PAPLN: variants seen among roughly 807,000 people sequenced by gnomAD.
PAPLN encodes the protein papilin, proteoglycan like sulfated glycoprotein, also known as papilin.
A neutral mutation model predicts 159.0 loss-of-function variants in PAPLN; 146 were observed. The ratio of observed to expected loss-of-function variants is 0.92; its 90% CI spans 0.80 to 1.05. PAPLN has a LOEUF of 1.05. Among genes scored for constraint, PAPLN ranks in the 50% least tolerant of loss-of-function variants. The pLI, the probability that PAPLN is intolerant of heterozygous loss-of-function variation, is 0.00. For missense variants in PAPLN, 1,720 were observed against 1,743.9 expected (o/e 0.99, Z 0.24); for synonymous variants, 734 against 702.9 (o/e 1.04, Z -0.70).
chr14:73,270,865 C>T (rs757124973), intron 26 of PAPLN, among the ~76,000 whole-genome samples: 59 of 152,184 alleles, frequency 3.9e-4, no homozygotes, highest in East Asian at 1.9e-4. Flanking sequence ...TTGGGTCATA[C>T]GGTGTGCGGC....
intron 20 of PAPLN, 183 bp from the exon 21 acceptor site, chr14:73,264,028 T>A (rs1344079813): frequency 7.2e-7 from 1 of 1,397,120 alleles, no homozygotes; most frequent in East Asian, 3.4e-5. Context: ...GACAGCTCCC[T>A]CCACCTCCGC....
At chr14:73,269,673 C>T (rs1887527314) in intron 26 of PAPLN, among the ~76,000 whole-genome samples, 1 of 152,196 alleles carries the variant, frequency 6.6e-6, no homozygotes, top group Non-Finnish European at 1.5e-5. Context: ...GTCCTTGGTT[C>T]TTGTTCACGG....
In PAPLN at chr14:73,245,177, A is replaced by G; in HGVS notation, c.170+418A>G. ...TGCACTCCGGCAGGGTCAGTGGAGA[A>G]GGTGGGGCACAGAAGGAGTAGTGAG... On this transcript the variant is annotated intron_variant, in intron 3 of 26. Transcript: ENST00000644200. The surrounding 1 kb of genome is among the most constrained non-coding windows in gnomAD (Gnocchi z 4.2). 1 of 207,986 alleles carries G rather than the reference A, an allele frequency of 4.8e-6. No individual in the cohort carries two copies. The highest frequency in any genetic ancestry group is 8.1e-5 in the South Asian group (1 of 12,300). 12.9% of individuals were successfully genotyped at this position (207,986 alleles called of 1,614,324 possible). A position where few individuals can be genotyped will look rare whatever the true frequency, so the allele number is the denominator to read the frequency against.
rs1253364158 is a variant in PAPLN at position 73,243,476 on chromosome 14, T to C, written c.55-1168T>C. On this transcript the variant is annotated intron_variant, in intron 2 of 26. Transcript: ENST00000644200. ...CCCTGTCCAACCCTGTAGGGAATCA[T>C]CTAGTGTCTCATTTGATTCCCCCAG... 2.0e-5 allele frequency: 3 copies of C among 152,310 alleles called. No individual in the cohort carries two copies. In the East Asian group the frequency reaches 5.8e-4, roughly 29 times the overall value. The allele number at this position is 152,310 out of a possible 1,614,324, so 9.4% of individuals were successfully genotyped here. A position where few individuals can be genotyped will look rare whatever the true frequency, so the allele number is the denominator to read the frequency against.
intron 5 of PAPLN, among the ~76,000 whole-genome samples, chr14:73,249,531 G>C (rs537297391): frequency 1.3e-5 from 2 of 152,056 alleles, no homozygotes; most frequent in South Asian, 2.1e-4. Context: ...AAACTTAGCC[G>C]GGTGTGGTGG....
intron 23 of PAPLN, among the ~76,000 whole-genome samples, chr14:73,266,002 G>A (rs533752822): frequency 4.6e-5 from 7 of 152,162 alleles, no homozygotes; most frequent in Admixed American, 4.6e-4. Context: ...CCGAAATTTT[G>A]TATCAGAAAA....
chr14:73,271,187 A>T (rs964563611), intron 26 of PAPLN, among the ~76,000 whole-genome samples: 2 of 152,132 alleles, frequency 1.3e-5, no homozygotes, highest in Admixed American at 6.5e-5. Context: ...TCCCACTATG[A>T]TGGGTCTTGG....
upstream of PAPLN, among the ~76,000 whole-genome samples, chr14:73,236,632 C>G (rs1168557469): frequency 6.6e-6 from 1 of 152,084 alleles, no homozygotes; most frequent in Non-Finnish European, 1.5e-5. Context: ...GTCTGGCCAA[C>G]AAGGTGAAAA....
upstream of PAPLN, among the ~76,000 whole-genome samples, chr14:73,236,315 C>G (rs900453540): frequency 2.0e-5 from 3 of 152,150 alleles, no homozygotes; most frequent in African/African-American, 4.8e-5. Context: ...CCCTGCCCCC[C>G]GGGACTCACA....
At chr14:73,264,376 C>T in intron 21 of PAPLN, 41 bp downstream of exon 21, 1 of 1,590,648 alleles carries the variant, frequency 6.3e-7, no homozygotes. Flanking sequence ...TTCTCAGGGG[C>T]CCGAGTGGGA....
In PAPLN at chr14:73,251,650, TCTC is replaced by T. The variant is rs770893788; in HGVS notation, c.671-10_671-8del. On this transcript the variant is annotated splice_polypyrimidine_tract_variant and intron_variant, in intron 8 of 26. Transcript: ENST00000644200. Reference sequence around the variant, plus strand: ...TGCTCCCTCTGGCTGACTGAGGCGGTCTCCTCTGCGCAGCTGTGAAGAATGTTC... The same window carrying T: ...TGCTCCCTCTGGCTGACTGAGGCGGTCTCTGCGCAGCTGTGAAGAATGTTC... The T allele has an allele frequency of 2.7e-5, 43 of 1,613,124 alleles. No individual in the cohort carries two copies. In the Admixed American group the frequency reaches 7.0e-4, roughly 26 times the overall value.
rs774419908 is a variant in PAPLN, at chr14:73,250,924, C to T, written c.483C>T (p.His161=). ...GCCCACAGGTTGTCGGCTGTGATCA[C>T]GAGCTGGACTCGTCCAAGCAGGAGG... The part of the protein sequence containing the change: ...DGSCRVVGCD[H]ELDSSKQEDK... Residue 161 remains histidine (H), a synonymous_variant, in exon 7 of 27, where the codon CAC becomes CAT. Coordinates refer to ENST00000644200, the MANE Select transcript of PAPLN (RefSeq NM_001365906.3). 30 of 1,612,870 alleles carry T rather than the reference C, an allele frequency of 1.9e-5. No homozygotes were observed. Among genetic ancestry groups the T allele is most frequent in the African/African-American group, 1.6e-4 (12 of 74,914 alleles).
In PAPLN at chr14:73,272,618, C is replaced by T. The variant is rs754925063; in HGVS notation, c.3791C>T (p.Ala1264Val). The T allele has an allele frequency of 1.3e-5, 20 of 1,595,002 alleles. No individual in the cohort carries two copies. The highest frequency in any genetic ancestry group is 1.7e-5 in the Admixed American group (1 of 59,626). ...GNEYYSSFCCASCSRFQPHAQ... is the reference protein window; with the variant it reads ...GNEYYSSFCCVSCSRFQPHAQ... ...GAGTATTACTCCAGCTTCTGCTGTG[C>T]CAGCTGTTCACGTTTCCAGCCTCAC... The change falls in exon 27 of 27, where the codon GCC becomes GTC. Residue 1264 changes from alanine (A) to valine (V), a missense_variant. Transcript: ENST00000644200.
intron 26 of PAPLN, among the ~76,000 whole-genome samples, chr14:73,271,301 A>G (rs915710262): frequency 1.3e-5 from 2 of 152,168 alleles, no homozygotes; most frequent in African/African-American, 4.8e-5. Context: ...TAGTCTGGTT[A>G]TACCAATATA....
At chr14:73,260,601 TC>T in intron 16 of PAPLN, 107 bp from the exon 17 acceptor site, 1 of 1,325,174 alleles carries the variant, frequency 7.5e-7, no homozygotes. Flanking sequence ...CCCCCCCAGG[TC>T]CCCACCCTGT....
chr14:73,264,639 C>A lies in PAPLN; in HGVS notation c.3038C>A (p.Pro1013His). ...GCTGAGCTGAGCCGCTTCCCTCAGCCCAGGGACCCAGCTCAGGACTTTGGC... is the reference window on the plus strand; with the variant it reads ...GCTGAGCTGAGCCGCTTCCCTCAGCACAGGGACCCAGCTCAGGACTTTGGC... ...SEAELSRFPQ[P>H]RDPAQDFGQA... Residue 1013 changes from proline (P) to histidine (H), a missense_variant, in exon 22 of 27, where the codon CCC becomes CAC. Physicochemically the swap from Pro to His is moderately conservative, Grantham distance 77. Transcript: ENST00000644200. 1 of 1,604,944 alleles carries A rather than the reference C, an allele frequency of 6.2e-7. No homozygotes were observed.
Position 73,263,659 on chromosome 14 carries a change from G to GT in PAPLN, c.2739dup (p.Val914CysfsTer40), listed in dbSNP as rs770697377. On this transcript the variant is annotated frameshift_variant, in exon 20 of 27. Coordinates refer to ENST00000644200, the MANE Select transcript of PAPLN (RefSeq NM_001365906.3). LOFTEE classifies it high-confidence loss of function. ...CACCTCTCCAGGATTAGCTTGGCAG[G>GT]TGTGGAGCCCTCGTTGGTGCAGGCA... 20 of 1,613,788 alleles carry GT rather than the reference G, an allele frequency of 1.2e-5. No homozygotes were observed. In the Admixed American group the frequency reaches 3.3e-4, roughly 27 times the overall value.
intron 2 of PAPLN, 156 bp from the exon 3 acceptor site, chr14:73,244,488 C>A: frequency 1.6e-6 from 1 of 613,872 alleles, no homozygotes. Flanking sequence ...TTTGGGGTGC[C>A]CGGCAGTGTT....
At chr14:73,237,614 A>T (rs1883108689) in intron 1 of PAPLN, 22 bp downstream of exon 1, 1 of 151,984 alleles carries the variant, frequency 6.6e-6, no homozygotes. Flanking sequence ...GAGGGACTGG[A>T]AGCCCCCGGG....
Sources: gnomAD v4.1 joint callset for allele counts (sites outside exome capture counted in the v4.1 genomes callset) on GRCh38, gnomAD v4.1.1 for gene constraint, Gnocchi (gnomAD v3.1) non-coding constraint, MANE v1.5 for transcripts, NCBI Gene and HGNC (gene_info 2026-07-23, HGNC 2026-07-21) for gene names.